RRAGD: variants seen among roughly 807,000 people sequenced by gnomAD.
RRAGD encodes Ras related GTP binding D, also known as ras-related GTP-binding protein D.
A neutral mutation model predicts 35.5 loss-of-function variants in RRAGD; 12 were observed. That is an observed-to-expected ratio of 0.34 (90% CI 0.22 to 0.55). The LOEUF (loss-of-function observed/expected upper bound fraction) is 0.55. Ranked by LOEUF, RRAGD falls within the 20% of genes least tolerant of loss-of-function variation. RRAGD has a pLI of 0.91. For missense variants in RRAGD, 324 were observed against 490.1 expected (o/e 0.66, Z 3.20); for synonymous variants, 155 against 178.9 (o/e 0.87, Z 1.07).
At position 89,412,257 on chromosome 6, in the gene RRAGD, GGA is replaced by G. The variant is rs148684631; in HGVS notation, c.-266_-265del. The G allele has an allele frequency of 3.3e-3, 746 of 225,034 alleles. 12 individuals carry two copies. The East Asian group carries it at 0.045, about 14-fold the overall frequency. The allele number at this position is 225,034 out of a possible 1,614,324, so 13.9% of individuals were successfully genotyped here. On this transcript the variant is annotated 5_prime_UTR_variant, in exon 1 of 7. Coordinates refer to ENST00000369415, the MANE Select transcript of RRAGD (RefSeq NM_021244.5). This position sits in a 1 kb window ranked among gnomAD's most constrained non-coding sequence, Gnocchi z 4.2. ...AGCGCGGCAGTTCCTCCCGGAGGAGGGAGAGAGAGAGAGACTGCGTGACCCGA... is the reference window on the plus strand; with the variant it reads ...AGCGCGGCAGTTCCTCCCGGAGGAGGGAGAGAGAGAGACTGCGTGACCCGA...
Position 89,373,156 on chromosome 6 carries a change from A to G in RRAGD, c.903-571T>C, listed in dbSNP as rs1768880599. 5.9e-5 allele frequency among the ~76,000 whole-genome samples: 9 copies of G among 152,250 alleles called. No homozygotes were observed. The South Asian group carries it at 1.9e-3, about 32-fold the overall frequency. On this transcript the variant is annotated intron_variant, in intron 5 of 6. Coordinates refer to ENST00000369415, the MANE Select transcript of RRAGD (RefSeq NM_021244.5). ...AATTTACTCTCAAATGGTTCACTGA[A>G]AAGAAATAGATACACAATATGTATT...
At chr6:89,378,274 C>A (rs13211980) in intron 4 of RRAGD, among the ~76,000 whole-genome samples, 21,282 of 151,386 alleles carry the variant, frequency 0.14, 1,901 homozygotes, top group East Asian at 0.33. Flanking sequence ...TGCACTCCAG[C>A]CTGGGCAACA....
intron 1 of RRAGD, among the ~76,000 whole-genome samples, chr6:89,395,390 C>T (rs1562460510): frequency 6.6e-6 from 1 of 151,946 alleles, no homozygotes; most frequent in African/African-American, 2.4e-5. Flanking sequence ...AACTCTAAAA[C>T]AAAGAAAGAA....
At chr6:89,373,980 T>C (rs1227007396) in intron 5 of RRAGD, among the ~76,000 whole-genome samples, 4 of 152,132 alleles carry the variant, frequency 2.6e-5, no homozygotes, top group Non-Finnish European at 5.9e-5. Flanking sequence ...CTAAACCTTT[T>C]CCCCCTTACC....
intron 1 of RRAGD, among the ~76,000 whole-genome samples, chr6:89,408,294 T>TAAC (rs1204964682): frequency 6.6e-6 from 1 of 152,208 alleles, no homozygotes; most frequent in African/African-American, 2.4e-5. Flanking sequence ...AGTATCAGTA[T>TAAC]AACTGTTATC....
chr6:89,371,270 C>T (rs1768849991), intron 6 of RRAGD, among the ~76,000 whole-genome samples: 1 of 152,010 alleles, frequency 6.6e-6, no homozygotes, highest in Admixed American at 6.6e-5. Context: ...GGGAGGATCA[C>T]TTGAGCCGAG....
At chr6:89,404,641 C>T (rs1179535697) in intron 1 of RRAGD, among the ~76,000 whole-genome samples, 1 of 152,218 alleles carries the variant, frequency 6.6e-6, no homozygotes, top group African/African-American at 2.4e-5. Context: ...CAGTCTTTAA[C>T]ACCTGAAGGC....
chr6:89,409,558 T>G (rs1018304826), intron 1 of RRAGD, among the ~76,000 whole-genome samples: 1 of 152,238 alleles, frequency 6.6e-6, no homozygotes, highest in Non-Finnish European at 1.5e-5. Context: ...AAGATTATAA[T>G]GCAACACGTG....
At chr6:89,402,020 A>G (rs922557499) in intron 1 of RRAGD, among the ~76,000 whole-genome samples, 1 of 142,332 alleles carries the variant, frequency 7.0e-6, no homozygotes, top group African/African-American at 2.7e-5. Flanking sequence ...CCCTGAAAGC[A>G]CTGAGGAAAT....
At position 89,367,950 on chromosome 6, in the gene RRAGD, T is replaced by A; in HGVS notation, c.*106A>T. The A allele has an allele frequency of 4.1e-6, 4 of 987,550 alleles. No individual in the cohort carries two copies. The highest frequency in any genetic ancestry group is 5.7e-6 in the Non-Finnish European group (4 of 706,416). 61.2% of individuals were successfully genotyped at this position (987,550 alleles called of 1,614,324 possible). On this transcript the variant is annotated 3_prime_UTR_variant, in exon 7 of 7. Coordinates refer to ENST00000369415, the MANE Select transcript of RRAGD (RefSeq NM_021244.5). ...GGAATTTTTTTTTTTTAACAACAAATCAATGGTATGTGTCCCAATCTCCTT... is the reference window on the plus strand; with the variant it reads ...GGAATTTTTTTTTTTTAACAACAAAACAATGGTATGTGTCCCAATCTCCTT...
In RRAGD at chr6:89,365,200, T is replaced by TC. The variant is rs1392263729; in HGVS notation, c.*2855dup. ...TTGCTTTATATTCCTTCAAAAACAT[T>TC]CCACCCTGGTCATTCACACTAATCT... On this transcript the variant is annotated 3_prime_UTR_variant, in exon 7 of 7. Transcript: ENST00000369415. 1 of 152,196 alleles carries TC rather than the reference T, an allele frequency of 6.6e-6. No homozygotes were observed. The highest frequency in any genetic ancestry group is 1.5e-5 in the Non-Finnish European group (1 of 68,044). The allele number at this position is 152,196 out of a possible 1,614,324, so 9.4% of individuals were successfully genotyped here.
intron 2 of RRAGD, among the ~76,000 whole-genome samples, 178 bp downstream of exon 2, chr6:89,387,117 G>C (rs2127890648): frequency 6.6e-6 from 1 of 152,306 alleles, no homozygotes; most frequent in East Asian, 1.9e-4. Flanking sequence ...AATGCTCAAT[G>C]GGTTGATTGT....
chr6:89,401,536 G>A (rs916915592), intron 1 of RRAGD, among the ~76,000 whole-genome samples: 1 of 152,006 alleles, frequency 6.6e-6, no homozygotes, highest in Non-Finnish European at 1.5e-5. Context: ...GATAACATGC[G>A]TGAACCACCT....
In RRAGD at chr6:89,411,891, G is replaced by C. The variant is rs762687769; in HGVS notation, c.103C>G (p.Pro35Ala). ...TCCGGATCGGCGTCGGAGGAGTCGG[G>C]CCCGTCTCCGTAGTCCGCTAGCCCC... is the stretch of plus-strand genomic sequence containing the variant. ...LVGLADYGDG[P>A]DSSDADPDSG... The change falls in exon 1 of 7, where the codon CCC (proline) becomes GCC (alanine). Residue 35 changes from proline (P) to alanine (A), a missense_variant. This residue lies in a region of RRAGD where 96 missense variants were observed against 78.7 expected (regional missense o/e 1.22). Coordinates refer to ENST00000369415, the MANE Select transcript of RRAGD (RefSeq NM_021244.5). This position sits in a 1 kb window ranked among gnomAD's most constrained non-coding sequence, Gnocchi z 5.6. 6 of 1,546,202 alleles carry C rather than the reference G, an allele frequency of 3.9e-6. No individual in the cohort carries two copies. The South Asian group carries it at 7.1e-5, about 18-fold the overall frequency.
In RRAGD at chr6:89,411,406, G is replaced by GAT; in HGVS notation, c.148+439_148+440insAT. 1 of 154,698 alleles carries GAT rather than the reference G, an allele frequency of 6.5e-6. No homozygotes were observed. The highest frequency in any genetic ancestry group is 2.0e-4 in the South Asian group (1 of 4,906). 9.6% of individuals were successfully genotyped at this position (154,698 alleles called of 1,614,324 possible). A position where few individuals can be genotyped will look rare whatever the true frequency, so the allele number is the denominator to read the frequency against. On this transcript the variant is annotated intron_variant, in intron 1 of 6. Transcript: ENST00000369415. This position sits in a 1 kb window ranked among gnomAD's most constrained non-coding sequence, Gnocchi z 5.6. Reference sequence around the variant, plus strand: ...AGCTGCCGACGACCCTGCCAGTCACGCCGCCGCCGGCTGCCTTTTTTTAGC... The same window carrying GAT: ...AGCTGCCGACGACCCTGCCAGTCACGATCCGCCGCCGGCTGCCTTTTTTTAGC...
intron 1 of RRAGD, among the ~76,000 whole-genome samples, chr6:89,402,038 A>ATTTTTTTTTTTTTTTTTTTTTTTTTT (rs71556520): frequency 1.3e-5 from 1 of 78,440 alleles, no homozygotes; most frequent in Non-Finnish European, 2.2e-5. Flanking sequence ...AATCCTAAGG[A>ATTTTTTTTTTTTTTTTTTTTTTTTTT]TTTTTTTTTT....
chr6:89,402,974 T>C (rs76835048), intron 1 of RRAGD, among the ~76,000 whole-genome samples: 244 of 152,260 alleles, frequency 1.6e-3, no homozygotes, highest in African/African-American at 5.7e-3. Flanking sequence ...CCTTTACAAA[T>C]GTCAATGACA....
intron 2 of RRAGD, among the ~76,000 whole-genome samples, chr6:89,383,386 T>C (rs926078919): frequency 2.0e-5 from 3 of 151,602 alleles, no homozygotes; most frequent in African/African-American, 7.3e-5. Context: ...AGCATGCAGC[T>C]ACAAGGACTA....
rs1323208849 is a variant in RRAGD, at chr6:89,365,514, T to C, written c.*2542A>G. On this transcript the variant is annotated 3_prime_UTR_variant, in exon 7 of 7. Coordinates refer to ENST00000369415, the MANE Select transcript of RRAGD (RefSeq NM_021244.5). ...CAAAATGACTTGAAGACATTTCCAA[T>C]AACACAGATTTGAAAAACTGAACGC... The C allele has an allele frequency of 1.3e-5, 2 of 152,246 alleles. No homozygotes were observed. The highest frequency in any genetic ancestry group is 6.5e-5 in the Admixed American group (1 of 15,284). 9.4% of individuals were successfully genotyped at this position (152,246 alleles called of 1,614,324 possible).
Sources: gnomAD v4.1 joint callset for allele counts (sites outside exome capture counted in the v4.1 genomes callset) on GRCh38, gnomAD v4.1.1 for gene constraint, gnomAD v4.1.1 regional missense constraint, Gnocchi (gnomAD v3.1) non-coding constraint, MANE v1.5 for transcripts, NCBI Gene and HGNC (gene_info 2026-07-23, HGNC 2026-07-21) for gene names.